Variants in TMTC2 observed in about 807,000 individuals in gnomAD.
The protein encoded by TMTC2 is transmembrane O-mannosyltransferase targeting cadherins 2, also known as protein O-mannosyl-transferase TMTC2.
A neutral mutation model predicts 82.4 loss-of-function variants in TMTC2; 43 were observed. The observed-to-expected ratio is 0.52, with a 90% CI of 0.41 to 0.67. TMTC2 has a LOEUF of 0.67. TMTC2 is among the 30% of genes least tolerant of loss of function. The pLI is 0.00. For synonymous variants in TMTC2, 408 were observed against 381.9 expected (o/e 1.07, Z -0.80); for missense variants, 919 against 1,012.4 (o/e 0.91, Z 1.25).
chr12:82,687,372 C>T lies in TMTC2; in HGVS notation c.-215C>T. ...GGGCATGGGGAGTGTGGTGTGAGCCCGCACCCGGGGAGGACGCAGGAGCTG... is the reference window on the plus strand; with the variant it reads ...GGGCATGGGGAGTGTGGTGTGAGCCTGCACCCGGGGAGGACGCAGGAGCTG... On this transcript the variant is annotated 5_prime_UTR_variant, in exon 1 of 12. Transcript: ENST00000321196. 1 of 590,198 alleles carries T rather than the reference C, an allele frequency of 1.7e-6. No homozygotes were observed. The highest frequency in any genetic ancestry group is 2.9e-5 in the East Asian group (1 of 35,014). 36.6% of individuals were successfully genotyped at this position (590,198 alleles called of 1,614,324 possible).
intron 1 of TMTC2, among the ~76,000 whole-genome samples, chr12:82,710,354 T>C (rs1873563984): frequency 1.3e-5 from 2 of 152,220 alleles, no homozygotes; most frequent in African/African-American, 4.8e-5. Context: ...TGCCTTGTTT[T>C]CTCCAACAAA....
rs1281796356 is a variant in TMTC2 at position 82,687,318 on chromosome 12, C to T, written c.-269C>T. 3.8e-6 allele frequency: 2 copies of T among 530,182 alleles called. No homozygotes were observed. The highest frequency in any genetic ancestry group is 6.8e-6 in the Non-Finnish European group (2 of 293,116). The allele number at this position is 530,182 out of a possible 1,614,324, so 32.8% of individuals were successfully genotyped here. On this transcript the variant is annotated 5_prime_UTR_variant, in exon 1 of 12. Coordinates refer to ENST00000321196, the MANE Select transcript of TMTC2 (RefSeq NM_152588.3). ...GCGCTTCCGCCGGGGGACGCGGAGC[C>T]CAAACGCCGCTCACCGCTTGCGGGC...
At chr12:82,864,496 CTT>C (rs775559477) in intron 2 of TMTC2, among the ~76,000 whole-genome samples, 1,841 of 107,706 alleles carry the variant, frequency 0.017, 24 homozygotes, top group African/African-American at 0.068. Context: ...ATGTCACATT[CTT>C]TTTTTTTTTT....
intron 1 of TMTC2, among the ~76,000 whole-genome samples, chr12:82,822,763 T>C (rs1869189358): frequency 6.6e-6 from 1 of 152,230 alleles, no homozygotes; most frequent in Non-Finnish European, 1.5e-5. Context: ...GATATTTTCC[T>C]GAAATCATTT....
chr12:83,132,198 C>T lies in TMTC2; in HGVS notation c.2332-12C>T, dbSNP rs1885277241. The T allele has an allele frequency of 1.3e-6, 2 of 1,579,094 alleles. No individual in the cohort carries two copies. Among genetic ancestry groups the T allele is most frequent in the Non-Finnish European group, 1.7e-6 (2 of 1,165,800 alleles). On this transcript the variant is annotated splice_polypyrimidine_tract_variant and intron_variant, in intron 11 of 11. Transcript: ENST00000321196. ...GGCCTCCTAATTGTTTTCCTTCTTTCTCTTGTTGCAGTATCCGGCTGCTTT... is the reference window on the plus strand; with the variant it reads ...GGCCTCCTAATTGTTTTCCTTCTTTTTCTTGTTGCAGTATCCGGCTGCTTT...
chr12:83,118,792 G>A (rs1884853632), intron 11 of TMTC2, among the ~76,000 whole-genome samples: 1 of 152,016 alleles, frequency 6.6e-6, no homozygotes, highest in Non-Finnish European at 1.5e-5. Flanking sequence ...TCTGGACCTG[G>A]ACTTTTTTTG....
intron 9 of TMTC2, among the ~76,000 whole-genome samples, chr12:83,032,260 TATA>T (rs1565861599): frequency 7.8e-4 from 6 of 7,646 alleles, no homozygotes; most frequent in African/African-American, 2.1e-3. Context: ...GAATATTTTA[TATA>T]TATATATATA....
At chr12:82,765,744 T>C (rs987026442) in intron 1 of TMTC2, among the ~76,000 whole-genome samples, 1 of 151,676 alleles carries the variant, frequency 6.6e-6, no homozygotes, top group Admixed American at 6.6e-5. Context: ...ACAGGTACCT[T>C]GCTATCATAT....
At chr12:82,775,251 C>T (rs1877526277) in intron 1 of TMTC2, among the ~76,000 whole-genome samples, 1 of 151,934 alleles carries the variant, frequency 6.6e-6, no homozygotes, top group South Asian at 2.1e-4. Flanking sequence ...GAGTTTGAGA[C>T]CGGCCTGGAC....
intron 8 of TMTC2, among the ~76,000 whole-genome samples, chr12:83,005,670 A>G (rs1342576652): frequency 1.3e-5 from 2 of 152,136 alleles, no homozygotes; most frequent in Non-Finnish European, 2.9e-5. Flanking sequence ...ACCCTTTGAG[A>G]TCGAGCACCA....
intron 2 of TMTC2, among the ~76,000 whole-genome samples, chr12:82,891,168 A>T (rs1230293504): frequency 6.6e-6 from 1 of 152,248 alleles, no homozygotes; most frequent in South Asian, 2.1e-4. Flanking sequence ...AAACCATAGC[A>T]TAGGGACTAA....
At chr12:82,790,607 T>C (rs1878422344) in intron 1 of TMTC2, among the ~76,000 whole-genome samples, 1 of 151,664 alleles carries the variant, frequency 6.6e-6, no homozygotes, top group African/African-American at 2.4e-5. Context: ...GGTGGGAGGA[T>C]CACCTGAGGT....
chr12:82,762,576 C>T (rs1312442489), intron 1 of TMTC2, among the ~76,000 whole-genome samples: 1 of 152,060 alleles, frequency 6.6e-6, no homozygotes, highest in Admixed American at 6.6e-5. Context: ...AAGAGAGAGT[C>T]AGCTGGGTGC....
intron 1 of TMTC2, among the ~76,000 whole-genome samples, chr12:82,782,961 T>C (rs1215171818): frequency 6.6e-6 from 1 of 152,144 alleles, no homozygotes; most frequent in African/African-American, 2.4e-5. Context: ...TAGTCTTTCA[T>C]GGGTATAATA....
intron 8 of TMTC2, among the ~76,000 whole-genome samples, chr12:83,007,533 C>T (rs780983910): frequency 3.0e-4 from 45 of 152,144 alleles, no homozygotes; most frequent in Admixed American, 6.5e-4. Context: ...GCTTGATGTG[C>T]GTACAATTAC....
chr12:82,875,373 T>C (rs1328159737), intron 2 of TMTC2, among the ~76,000 whole-genome samples: 1 of 147,776 alleles, frequency 6.8e-6, no homozygotes, highest in Non-Finnish European at 1.5e-5. Context: ...CATATATGTG[T>C]GTATATATAT....
chr12:83,070,770 A>G (rs549539154), intron 11 of TMTC2, among the ~76,000 whole-genome samples: 54 of 152,192 alleles, frequency 3.5e-4, no homozygotes, highest in Non-Finnish European at 5.6e-4. Context: ...GTCTTGTTCC[A>G]GTTCTCAGAG....
intron 4 of TMTC2, among the ~76,000 whole-genome samples, chr12:82,936,010 G>T (rs115357745): frequency 2.0e-3 from 300 of 152,104 alleles, no homozygotes; most frequent in African/African-American, 6.9e-3. Context: ...TAAGGGTAAC[G>T]TAGGGCAAAA....
chr12:82,878,765 C>T (rs947544225), intron 2 of TMTC2, among the ~76,000 whole-genome samples: 14 of 152,116 alleles, frequency 9.2e-5, no homozygotes, highest in South Asian at 6.2e-4. Flanking sequence ...GAGCCAGGTG[C>T]GGTGCCATGT....
Sources: gnomAD v4.1 joint callset for allele counts (sites outside exome capture counted in the v4.1 genomes callset) on GRCh38, gnomAD v4.1.1 for gene constraint, MANE v1.5 for transcripts, NCBI Gene and HGNC (gene_info 2026-07-23, HGNC 2026-07-21) for gene names.